ITPKB: variants seen among roughly 807,000 people sequenced by gnomAD.
The protein encoded by ITPKB is inositol-trisphosphate 3-kinase B, also known as IP3 3-kinase B.
Under a neutral mutation model 69.4 loss-of-function variants are expected in ITPKB, and 13 were observed. The observed-to-expected ratio is 0.19, with a 90% CI of 0.12 to 0.30. The LOEUF (loss-of-function observed/expected upper bound fraction) is 0.30, where lower values mean the gene tolerates loss of function less well. Among genes scored for constraint, ITPKB ranks in the 10% least tolerant of loss-of-function variants. The probability of loss-of-function intolerance (pLI) is 1.00; values close to 1 mark genes in which losing one functional copy is unlikely to be tolerated. For missense variants in ITPKB, 1,240 were observed against 1,250.5 expected (o/e 0.99, Z 0.13); for synonymous variants, 584 against 513.7 (o/e 1.14, Z -1.85).
At chr1:226,658,165 T>C (rs1332501486) in intron 2 of ITPKB, among the ~76,000 whole-genome samples, 1 of 152,246 alleles carries the variant, frequency 6.6e-6, no homozygotes, top group East Asian at 1.9e-4. Flanking sequence ...CTTCATTTGG[T>C]CTTTCTAAAA....
intron 2 of ITPKB, among the ~76,000 whole-genome samples, chr1:226,726,086 T>C (rs1345631734): frequency 6.6e-6 from 1 of 152,186 alleles, no homozygotes; most frequent in East Asian, 1.9e-4. Flanking sequence ...AATGACTGTA[T>C]ACACGTCTTA....
intron 2 of ITPKB, among the ~76,000 whole-genome samples, chr1:226,704,135 A>G (rs1454353021): frequency 1.3e-5 from 2 of 152,186 alleles, no homozygotes; most frequent in African/African-American, 2.4e-5. Context: ...AAAATTTTTG[A>G]TAATTCAATC....
At chr1:226,683,829 A>G (rs1242127658) in intron 2 of ITPKB, among the ~76,000 whole-genome samples, 3 of 152,070 alleles carry the variant, frequency 2.0e-5, no homozygotes, top group African/African-American at 7.2e-5. Flanking sequence ...AACATCTTAC[A>G]ACATCTGTGC....
At chr1:226,654,889 CA>C (rs1669260426) in intron 2 of ITPKB, among the ~76,000 whole-genome samples, 1 of 150,840 alleles carries the variant, frequency 6.6e-6, no homozygotes. Context: ...CTGCTGGGGA[CA>C]GGGGAAGAGG....
chr1:226,701,330 C>T (rs1386453454), intron 2 of ITPKB, among the ~76,000 whole-genome samples: 2 of 152,124 alleles, frequency 1.3e-5, no homozygotes, highest in Admixed American at 6.5e-5. Context: ...TTTGGCCGGG[C>T]GCGGTGGCTC....
At chr1:226,723,854 C>G (rs1326240798) in intron 2 of ITPKB, among the ~76,000 whole-genome samples, 1 of 152,054 alleles carries the variant, frequency 6.6e-6, no homozygotes, top group African/African-American at 2.4e-5. Flanking sequence ...ACTTCAAGTT[C>G]CAATCCCTAG....
rs1235560775 is a variant in ITPKB at position 226,739,167 on chromosome 1, A to G, written c.-332T>C. The G allele has an allele frequency of 6.6e-6, 1 of 152,172 alleles. No individual in the cohort carries two copies. The highest frequency in any genetic ancestry group is 1.5e-5 in the Non-Finnish European group (1 of 68,026). 9.4% of individuals were successfully genotyped at this position (152,172 alleles called of 1,614,324 possible). A position where few individuals can be genotyped will look rare whatever the true frequency, so the allele number is the denominator to read the frequency against. On this transcript the variant is annotated 5_prime_UTR_variant, in exon 1 of 8. Coordinates refer to ENST00000429204, the MANE Select transcript of ITPKB (RefSeq NM_002221.4). The stretch of plus-strand genomic sequence containing the variant: ...ATTTTCTCACAAGCTATGGAAGACA[A>G]AAAAGAGGAGTGCGAAAGAGGGGGG...
At chr1:226,644,594 G>T (rs1485535913) in intron 4 of ITPKB, among the ~76,000 whole-genome samples, 1 of 152,196 alleles carries the variant, frequency 6.6e-6, no homozygotes, top group Non-Finnish European at 1.5e-5. Flanking sequence ...AGCACATGTC[G>T]GCGGGAGCCA....
intron 6 of ITPKB, among the ~76,000 whole-genome samples, chr1:226,639,343 C>T (rs948333326): frequency 1.3e-5 from 2 of 152,196 alleles, no homozygotes; most frequent in African/African-American, 4.8e-5. Context: ...CAGGCGTGAG[C>T]CACTGTGCCC....
At chr1:226,650,219 G>A in intron 2 of ITPKB, among the ~76,000 whole-genome samples, 1 of 152,166 alleles carries the variant, frequency 6.6e-6, no homozygotes, top group Non-Finnish European at 1.5e-5. Context: ...TTCTCTCTTT[G>A]CTGAGACTCA....
intron 2 of ITPKB, among the ~76,000 whole-genome samples, chr1:226,659,329 G>A (rs995325188): frequency 7.9e-5 from 12 of 152,066 alleles, no homozygotes; most frequent in African/African-American, 2.9e-4. Flanking sequence ...GCAGCCCAGG[G>A]CCTCACCAAG....
At chr1:226,729,119 GTAACCATGGGTC>G (rs1240718105) in intron 2 of ITPKB, among the ~76,000 whole-genome samples, 2 of 152,134 alleles carry the variant, frequency 1.3e-5, no homozygotes, top group East Asian at 3.8e-4. Context: ...GTTGAAGGGT[GTAACCATGGGTC>G]CTGTAATGGT....
chr1:226,653,706 G>T (rs1007462383), intron 2 of ITPKB, among the ~76,000 whole-genome samples: 4 of 152,242 alleles, frequency 2.6e-5, no homozygotes, highest in Non-Finnish European at 5.9e-5. Context: ...TAGGTAAAGG[G>T]CAGTGGAGTG....
chr1:226,670,534 G>A (rs924340914), intron 2 of ITPKB, among the ~76,000 whole-genome samples: 5 of 152,202 alleles, frequency 3.3e-5, no homozygotes, highest in African/African-American at 7.2e-5. Context: ...GGGATGGATC[G>A]TTCAGTCCTT....
At chr1:226,715,907 TTC>T (rs1393443021) in intron 2 of ITPKB, among the ~76,000 whole-genome samples, 1 of 152,178 alleles carries the variant, frequency 6.6e-6, no homozygotes, top group Middle Eastern at 3.2e-3. Flanking sequence ...GCCTCCCAGG[TTC>T]AAGTGATTCT....
In ITPKB at chr1:226,736,757, C is replaced by A; in HGVS notation, c.702G>T (p.Met234Ile). The A allele has an allele frequency of 6.2e-7, 1 of 1,613,028 alleles. No individual in the cohort carries two copies. ...GGGCAGCCCGGCCGGGAAGAGGTGG[C>A]ATTCCTTTCTTCACCTGCGAGGAGC... is the stretch of plus-strand genomic sequence containing the variant. ...SLCSSQVKKG[M>I]PPLPGRAAPT... Residue 234 changes from methionine (M) to isoleucine (I), a missense_variant, in exon 2 of 8, where the codon ATG becomes ATT. Around this residue, in one of 2 missense-constraint regions of ITPKB, gnomAD observed 992 missense variants for 853.8 expected, o/e 1.16. Coordinates refer to ENST00000429204, the MANE Select transcript of ITPKB (RefSeq NM_002221.4).
intron 2 of ITPKB, among the ~76,000 whole-genome samples, chr1:226,662,060 G>A (rs1288936): frequency 0.13 from 20,527 of 152,106 alleles, 1,496 homozygotes; most frequent in Non-Finnish European, 0.16. Context: ...GTGCACGGAC[G>A]ATGAGGCAGC....
At position 226,642,506 on chromosome 1, in the gene ITPKB, C is replaced by T. The variant is rs1668982265; in HGVS notation, c.2247-381G>A. On this transcript the variant is annotated intron_variant, in intron 4 of 7. Coordinates refer to ENST00000429204, the MANE Select transcript of ITPKB (RefSeq NM_002221.4). The surrounding 1 kb of genome is among the most constrained non-coding windows in gnomAD (Gnocchi z 6.4). ...TGATCCAGGAGAAAAGGTGCAGCCT[C>T]ACTGAATCGGACTGCCTTCACTTTC... 6.6e-6 allele frequency among the ~76,000 whole-genome samples: 1 copy of T among 152,092 alleles called. No homozygotes were observed. The highest frequency in any genetic ancestry group is 1.5e-5 in the Non-Finnish European group (1 of 68,024).
chr1:226,669,057 A>T (rs1205026479), intron 2 of ITPKB: 1 of 152,202 alleles, frequency 6.6e-6, no homozygotes, highest in Non-Finnish European at 1.5e-5. Context: ...TATCATCATC[A>T]TTATTATTTA....
Sources: gnomAD v4.1 joint callset for allele counts (sites outside exome capture counted in the v4.1 genomes callset) on GRCh38, gnomAD v4.1.1 for gene constraint, gnomAD v4.1.1 regional missense constraint, Gnocchi (gnomAD v3.1) non-coding constraint, MANE v1.5 for transcripts, NCBI Gene and HGNC (gene_info 2026-07-23, HGNC 2026-07-21) for gene names.